Variants in WWC1 observed in about 807,000 individuals in gnomAD.
WWC1 encodes protein KIBRA.
A neutral mutation model predicts 138.4 loss-of-function variants in WWC1; 55 were observed. That is an observed-to-expected ratio of 0.40 (90% CI 0.32 to 0.50). WWC1 has a LOEUF of 0.50. Ranked by LOEUF, WWC1 falls within the 20% of genes least tolerant of loss-of-function variation. WWC1 has a pLI of 0.72. For synonymous variants in WWC1, 524 were observed against 564.9 expected (o/e 0.93, Z 1.03); for missense variants, 1,226 against 1,420.4 (o/e 0.86, Z 2.20).
At chr5:168,332,940 C>T (rs969747074) in intron 1 of WWC1, among the ~76,000 whole-genome samples, 15 of 152,184 alleles carry the variant, frequency 9.9e-5, no homozygotes, top group Non-Finnish European at 2.1e-4. Context: ...AACTCCTGGG[C>T]TCAAGCAATC....
At position 168,292,339 on chromosome 5, in the gene WWC1, G is replaced by T; in HGVS notation, c.119+68G>T. On this transcript the variant is annotated intron_variant, in intron 1 of 22. Coordinates refer to ENST00000265293, the MANE Select transcript of WWC1 (RefSeq NM_015238.3). This position sits in a 1 kb window ranked among gnomAD's most constrained non-coding sequence, Gnocchi z 4.4. The stretch of plus-strand genomic sequence containing the variant: ...TGGGCCCCCACCTGCCCCTGGAGCC[G>T]CCGGCCGGGACTGGGAGGGGGCAGG... 1 of 1,515,864 alleles carries T rather than the reference G, an allele frequency of 6.6e-7. No individual in the cohort carries two copies. The highest frequency in any genetic ancestry group is 1.2e-5 in the South Asian group (1 of 80,884). 93.9% of individuals were successfully genotyped at this position (1,515,864 alleles called of 1,614,324 possible).
intron 1 of WWC1, among the ~76,000 whole-genome samples, chr5:168,337,285 C>G (rs9637847): frequency 0.63 from 95,153 of 151,848 alleles, 30,220 homozygotes; most frequent in East Asian, 0.84. Flanking sequence ...GGTACTTTTG[C>G]ATGAATTCTT....
chr5:168,389,833 A>T (rs1019231225), intron 3 of WWC1, among the ~76,000 whole-genome samples: 1 of 152,138 alleles, frequency 6.6e-6, no homozygotes, highest in African/African-American at 2.4e-5. Context: ...GGTGTTTAGC[A>T]GCATCCTTGT....
intron 20 of WWC1, among the ~76,000 whole-genome samples, chr5:168,464,505 G>A (rs1373332961): frequency 1.7e-4 from 26 of 152,122 alleles, no homozygotes; most frequent in Admixed American, 1.6e-3. Context: ...AATGAAACGA[G>A]GTTATGGAAA....
chr5:168,443,294 C>G (rs77159827), intron 16 of WWC1, among the ~76,000 whole-genome samples: 5,703 of 152,242 alleles, frequency 0.037, 163 homozygotes, highest in Non-Finnish European at 0.055. Flanking sequence ...TTCTCCTCCT[C>G]CTCTCCTTTC....
intron 8 of WWC1, among the ~76,000 whole-genome samples, chr5:168,412,302 G>T (rs1034363193): frequency 1.3e-5 from 2 of 152,182 alleles, no homozygotes; most frequent in Admixed American, 1.3e-4. Flanking sequence ...GGGAAAGCAA[G>T]CTTCAGGACT....
chr5:168,422,194 C>A, intron 10 of WWC1, 97 bp downstream of exon 10: 1 of 1,252,368 alleles, frequency 8.0e-7, no homozygotes. Flanking sequence ...ACTTGTCCTC[C>A]GTGGCTTGAG....
chr5:168,330,254 G>A (rs557012388), intron 1 of WWC1, among the ~76,000 whole-genome samples: 20 of 152,282 alleles, frequency 1.3e-4, no homozygotes, highest in African/African-American at 4.8e-4. Flanking sequence ...CTCGGCAATC[G>A]GCTTGGGACC....
At chr5:168,445,722 AAAAG>A (rs1755195815) in intron 17 of WWC1, among the ~76,000 whole-genome samples, 1 of 151,426 alleles carries the variant, frequency 6.6e-6, no homozygotes, top group South Asian at 2.1e-4. Flanking sequence ...AAAAAAAAAA[AAAAG>A]AGTAAGCAGT....
chr5:168,454,133 G>C, intron 18 of WWC1, 33 bp downstream of exon 18: 1 of 1,602,550 alleles, frequency 6.2e-7, no homozygotes, highest in Non-Finnish European at 8.5e-7. Context: ...AAGGGCTGTC[G>C]TGGGGAAGGA....
intron 1 of WWC1, among the ~76,000 whole-genome samples, chr5:168,346,086 C>T (rs1015262817): frequency 1.3e-5 from 2 of 152,030 alleles, no homozygotes; most frequent in Admixed American, 6.5e-5. Flanking sequence ...AGGAGGGACC[C>T]CCAAGAGTGT....
intron 3 of WWC1, among the ~76,000 whole-genome samples, chr5:168,391,035 A>G (rs959046627): frequency 6.6e-6 from 1 of 152,204 alleles, no homozygotes; most frequent in East Asian, 1.9e-4. Context: ...GTAACCAGAT[A>G]TATCTGATCT....
At chr5:168,316,594 G>A (rs1191760582) in intron 1 of WWC1, 3 of 152,440 alleles carry the variant, frequency 2.0e-5, no homozygotes, top group Admixed American at 2.0e-4. Context: ...TACGTCTGCA[G>A]TAGGTGAAGA....
chr5:168,378,914 G>A (rs955529797), intron 2 of WWC1, among the ~76,000 whole-genome samples: 3 of 152,176 alleles, frequency 2.0e-5, no homozygotes, highest in Non-Finnish European at 4.4e-5. Flanking sequence ...TGTTAGCGGC[G>A]TGGGTGTGTA....
At chr5:168,463,093 G>C (rs1395346920) in intron 20 of WWC1, among the ~76,000 whole-genome samples, 1 of 152,170 alleles carries the variant, frequency 6.6e-6, no homozygotes, top group Admixed American at 6.5e-5. Flanking sequence ...CTCTGTATTG[G>C]TCATTGTATT....
Position 168,431,332 on chromosome 5 carries a change from C to T in WWC1, c.2168C>T (p.Thr723Ile). Residue 723 changes from threonine to isoleucine, a missense_variant, in exon 15 of 23, where the codon ACT becomes ATT. By Grantham distance (89) the Thr-to-Ile change is moderately conservative. Transcript: ENST00000265293. ...FRTRPLDASDTLVFNEVFWVS... is the reference protein window; with the variant it reads ...FRTRPLDASDILVFNEVFWVS... ...ACCCGGCCTCTGGACGCCTCAGACA[C>T]TCTAGTGTTCAATGAGGTGTTCTGG... 1 of 1,614,190 alleles carries T rather than the reference C, an allele frequency of 6.2e-7. No individual in the cohort carries two copies. The highest frequency in any genetic ancestry group is 1.3e-5 in the African/African-American group (1 of 75,044).
chr5:168,341,511 T>A (rs1774032303), intron 1 of WWC1, among the ~76,000 whole-genome samples: 1 of 152,040 alleles, frequency 6.6e-6, no homozygotes, highest in Admixed American at 6.6e-5. Flanking sequence ...CTGTCAGAGA[T>A]CACTGATGTC....
At chr5:168,424,217 A>G in intron 11 of WWC1, 149 bp downstream of exon 11, 6 of 1,057,812 alleles carry the variant, frequency 5.7e-6, no homozygotes, top group Non-Finnish European at 8.0e-6. Flanking sequence ...TATTCAGTGG[A>G]TGTTTATTAA....
At chr5:168,451,907 T>A (rs1755860398) in intron 17 of WWC1, among the ~76,000 whole-genome samples, 1 of 69,710 alleles carries the variant, frequency 1.4e-5, no homozygotes. Context: ...TGGTGTCTTT[T>A]TTTTTTTTTT....
Sources: gnomAD v4.1 joint callset for allele counts (sites outside exome capture counted in the v4.1 genomes callset) on GRCh38, gnomAD v4.1.1 for gene constraint, Gnocchi (gnomAD v3.1) non-coding constraint, MANE v1.5 for transcripts, NCBI Gene and HGNC (gene_info 2026-07-23, HGNC 2026-07-21) for gene names.